The following SLC33A1 variants were observed in gnomAD, a reference collection of about 807,000 sequenced individuals.
SLC33A1 encodes the protein solute carrier family 33 member 1.
A neutral mutation model predicts 50.0 loss-of-function variants in SLC33A1; 20 were observed. The ratio of observed to expected loss-of-function variants is 0.40; its 90% CI spans 0.28 to 0.58. SLC33A1 has a LOEUF of 0.58. SLC33A1 is among the 20% of genes least tolerant of loss of function. The pLI is 0.44. For missense variants in SLC33A1, 476 were observed against 657.0 expected, an observed-to-expected ratio of 0.72 and a Z score of 3.01; for synonymous variants, 265 against 251.8, an observed-to-expected ratio of 1.05 and a Z score of -0.50.
Position 155,829,896 on chromosome 3 carries a change from A to G in SLC33A1, c.1274T>C (p.Val425Ala). Reference protein sequence around the residue: ...LLSYALHQVTVYSMYVSIMAF... With the variant: ...LLSYALHQVTAYSMYVSIMAF... ...CATTATAGAAACATACATGCTGTAC[A>G]CTGTAACCTACGGAAAAATGTAAAA... The change falls in exon 5 of 6, where the codon GTG becomes GCG. Residue 425 changes from valine to alanine, a missense_variant. Coordinates refer to ENST00000643144, the MANE Select transcript of SLC33A1 (RefSeq NM_004733.4). 1 of 1,602,628 alleles carries G rather than the reference A, an allele frequency of 6.2e-7. No homozygotes were observed. The highest frequency in any genetic ancestry group is 1.1e-5 in the South Asian group (1 of 90,800).
At chr3:155,848,121 G>A (rs1318478389) in intron 1 of SLC33A1, among the ~76,000 whole-genome samples, 2 of 152,130 alleles carry the variant, frequency 1.3e-5, no homozygotes, top group Admixed American at 1.3e-4. Context: ...ATAGAGAGAT[G>A]ATAGATGAGA....
chr3:155,838,606 G>A (rs538480941), intron 2 of SLC33A1, among the ~76,000 whole-genome samples: 4 of 151,108 alleles, frequency 2.6e-5, no homozygotes, highest in South Asian at 4.2e-4. Flanking sequence ...GCTTGAACCC[G>A]GGAGGAGGAG....
chr3:155,850,039 TTCTC>T (rs1458634422), intron 1 of SLC33A1, among the ~76,000 whole-genome samples: 1 of 151,468 alleles, frequency 6.6e-6, no homozygotes, highest in Non-Finnish European at 1.5e-5. Context: ...GATGGAGTCT[TTCTC>T]TGTCGCCCAG....
chr3:155,835,595 G>A (rs769735463), intron 2 of SLC33A1, among the ~76,000 whole-genome samples: 2 of 152,144 alleles, frequency 1.3e-5, no homozygotes, highest in Non-Finnish European at 2.9e-5. Context: ...TTGTTAGCAT[G>A]TGTACAGTAA....
In SLC33A1 at chr3:155,833,205, C is replaced by T. The variant is rs558525325; in HGVS notation, c.1266+263G>A. Among the ~76,000 whole-genome samples the T allele has an allele frequency of 2.5e-4, 38 of 152,120 alleles. 1 individual carries two copies. The highest frequency in any genetic ancestry group is 2.4e-3 in the Admixed American group (37 of 15,270). ...TGGAGGTTGCAGTGAGCCGAGACTG[C>T]ACCACTGCACCCCAGCCTGGGTGAC... is the stretch of plus-strand genomic sequence containing the variant. On this transcript the variant is annotated intron_variant, in intron 4 of 5. Coordinates refer to ENST00000643144, the MANE Select transcript of SLC33A1 (RefSeq NM_004733.4).
At chr3:155,842,725 T>A (rs1202770615) in intron 1 of SLC33A1, 106 bp from the exon 2 acceptor site, 2 of 705,394 alleles carry the variant, frequency 2.8e-6, no homozygotes, top group Non-Finnish European at 4.4e-6. Context: ...ATTTAAAAAA[T>A]TAGCCAAGTA....
chr3:155,828,475 T>C, intron 5 of SLC33A1, 98 bp from the exon 6 acceptor site: 1 of 749,406 alleles, frequency 1.3e-6, no homozygotes, highest in South Asian at 1.6e-5. Context: ...AAATATATTT[T>C]TCTTAAAACA....
rs111320160 is a variant in SLC33A1 at position 155,825,774 on chromosome 3, GTTTAA to G, written c.*2431_*2435del. ...TTAAAAGTCCATACTTGAAGGTACT[GTTTAA>G]TTTATCAGGATCAATCAATCAAGAA... is the stretch of plus-strand genomic sequence containing the variant. On this transcript the variant is annotated 3_prime_UTR_variant, in exon 6 of 6. Coordinates refer to ENST00000643144, the MANE Select transcript of SLC33A1 (RefSeq NM_004733.4). 4 of 152,100 alleles carry G rather than the reference GTTTAA, an allele frequency of 2.6e-5. No individual in the cohort carries two copies. The highest frequency in any genetic ancestry group is 7.2e-5 in the African/African-American group (3 of 41,420). 9.4% of individuals were successfully genotyped at this position (152,100 alleles called of 1,614,324 possible).
chr3:155,831,658 A>G (rs2109308630), intron 4 of SLC33A1, among the ~76,000 whole-genome samples: 1 of 152,146 alleles, frequency 6.6e-6, no homozygotes, highest in East Asian at 1.9e-4. Context: ...AGCTAAATAA[A>G]TACTTTTTTT....
intron 1 of SLC33A1, among the ~76,000 whole-genome samples, chr3:155,848,863 A>T (rs1753285328): frequency 6.6e-6 from 1 of 152,104 alleles, no homozygotes; most frequent in Admixed American, 6.6e-5. Context: ...ATCTCCATTT[A>T]TCTGTAACAA....
intron 4 of SLC33A1, among the ~76,000 whole-genome samples, chr3:155,831,872 T>C (rs920105267): frequency 6.6e-6 from 1 of 152,236 alleles, no homozygotes; most frequent in Non-Finnish European, 1.5e-5. Context: ...ATTTACTGTA[T>C]GCACAAAACT....
intron 1 of SLC33A1, among the ~76,000 whole-genome samples, chr3:155,844,143 C>A (rs1462251978): frequency 6.6e-6 from 1 of 152,062 alleles, no homozygotes; most frequent in Non-Finnish European, 1.5e-5. Context: ...GTTTGAACCT[C>A]ACTTACGAGG....
At chr3:155,829,990 G>GA in intron 4 of SLC33A1, 87 bp from the exon 5 acceptor site, 2 of 856,662 alleles carry the variant, frequency 2.3e-6, no homozygotes, top group Non-Finnish European at 3.8e-6. Context: ...TCATAAACCT[G>GA]AAATTAATTT....
chr3:155,848,017 T>C (rs928059716), intron 1 of SLC33A1, among the ~76,000 whole-genome samples: 1 of 152,202 alleles, frequency 6.6e-6, no homozygotes, highest in Non-Finnish European at 1.5e-5. Context: ...TTCCAATCAC[T>C]TCTAATTGTT....
chr3:155,849,673 C>T (rs1753318661), intron 1 of SLC33A1, among the ~76,000 whole-genome samples: 1 of 151,642 alleles, frequency 6.6e-6, no homozygotes, highest in Admixed American at 6.6e-5. Flanking sequence ...TTTGGGAAGC[C>T]GAGGTGAGCA....
intron 1 of SLC33A1, among the ~76,000 whole-genome samples, chr3:155,849,833 T>A (rs1753324986): frequency 6.7e-6 from 1 of 149,956 alleles, no homozygotes. Context: ...GCTTGAGCCC[T>A]GGAGGGGGAA....
intron 1 of SLC33A1, among the ~76,000 whole-genome samples, chr3:155,850,254 G>A (rs1427619337): frequency 6.6e-6 from 1 of 152,032 alleles, no homozygotes; most frequent in African/African-American, 2.4e-5. Flanking sequence ...TGATCCTCCT[G>A]CCTTGGCCTC....
intron 5 of SLC33A1, among the ~76,000 whole-genome samples, chr3:155,829,461 G>A (rs1752322949): frequency 6.6e-6 from 1 of 152,138 alleles, no homozygotes. Flanking sequence ...GGGAAAGAGA[G>A]ATCGCCTCTC....
At chr3:155,842,059 T>C (rs1370124183) in intron 2 of SLC33A1, among the ~76,000 whole-genome samples, 1 of 152,194 alleles carries the variant, frequency 6.6e-6, no homozygotes, top group Non-Finnish European at 1.5e-5. Flanking sequence ...TATATCTTTT[T>C]ACGTCACACT....
Sources: allele counts gnomAD v4.1 joint callset (sites outside exome capture counted in the v4.1 genomes callset), GRCh38; gene constraint gnomAD v4.1.1; transcripts MANE v1.5; gene names NCBI Gene and HGNC (gene_info 2026-07-23, HGNC 2026-07-21).